The following AP2B1 variants were observed in gnomAD, a reference collection of about 807,000 sequenced individuals.
AP2B1 encodes adaptor related protein complex 2 subunit beta 1, also known as AP-2 complex subunit beta.
Under a neutral mutation model 102.0 loss-of-function variants are expected in AP2B1, and 23 were observed. The observed-to-expected ratio is 0.23, with a 90% CI of 0.16 to 0.32. The LOEUF is 0.32. Ranked by LOEUF, AP2B1 falls within the 10% of genes least tolerant of loss-of-function variation. AP2B1 has a pLI of 1.00. For missense variants in AP2B1, 541 were observed against 1,157.4 expected (o/e 0.47, Z 7.73); for synonymous variants, 381 against 421.2 (o/e 0.90, Z 1.17).
rs1218781038 is a variant in AP2B1, at chr17:35,636,543, T to C, written c.1271+87T>C. On this transcript the variant is annotated intron_variant, in intron 10 of 21. Coordinates refer to ENST00000610402, the MANE Select transcript of AP2B1 (RefSeq NM_001030006.2). ...GAAATTGCCTAGGTAAGAATTACTC[T>C]TTTGAATGTTCCTGGTCATAATAGG... The C allele has an allele frequency of 1.3e-5, 12 of 945,292 alleles. No homozygotes were observed. In the East Asian group the frequency reaches 2.8e-4, roughly 22 times the overall value. The allele number at this position is 945,292 out of a possible 1,614,324, so 58.6% of individuals were successfully genotyped here.
rs140783216 is a variant in AP2B1, at chr17:35,627,086, C to T, written c.938+244C>T. Among the ~76,000 whole-genome samples the T allele has an allele frequency of 2.4e-3, 363 of 152,198 alleles. 3 individuals are homozygous for T. Among genetic ancestry groups the T allele is most frequent in the Non-Finnish European group, 3.8e-3 (256 of 68,028 alleles). Reference sequence around the variant, plus strand: ...TTCTGAAGGGTCTCTTTCTGATATACTGTCTAGTGCCTGGTTGATATGGTT... The same window carrying T: ...TTCTGAAGGGTCTCTTTCTGATATATTGTCTAGTGCCTGGTTGATATGGTT... On this transcript the variant is annotated intron_variant, in intron 7 of 21. Coordinates refer to ENST00000610402, the MANE Select transcript of AP2B1 (RefSeq NM_001030006.2).
At chr17:35,703,096 C>A (rs1365501171) in intron 18 of AP2B1, among the ~76,000 whole-genome samples, 1 of 151,164 alleles carries the variant, frequency 6.6e-6, no homozygotes, top group East Asian at 1.9e-4. Flanking sequence ...CACGGTGAAA[C>A]CCCATCTCTA....
At chr17:35,628,726 A>G (rs2074382041) in intron 9 of AP2B1, among the ~76,000 whole-genome samples, 1 of 152,158 alleles carries the variant, frequency 6.6e-6, no homozygotes, top group African/African-American at 2.4e-5. Flanking sequence ...TACACCCACC[A>G]TTCCCACTTC....
At chr17:35,687,507 A>G (rs992072135) in intron 18 of AP2B1, among the ~76,000 whole-genome samples, 2 of 152,002 alleles carry the variant, frequency 1.3e-5, no homozygotes, top group Non-Finnish European at 2.9e-5. Flanking sequence ...TTTCTGACAG[A>G]ACTATCTTAA....
intron 21 of AP2B1, among the ~76,000 whole-genome samples, chr17:35,719,551 A>G (rs965837894): frequency 6.6e-6 from 1 of 152,258 alleles, no homozygotes; most frequent in Non-Finnish European, 1.5e-5. Context: ...AAGTTGTTAC[A>G]TGTATCCATA....
At chr17:35,626,876 T>C (rs1302199576) in intron 7 of AP2B1, 34 bp downstream of exon 7, 17 of 1,583,012 alleles carry the variant, frequency 1.1e-5, no homozygotes, top group Non-Finnish European at 1.4e-5. Flanking sequence ...TTAAAGTGTT[T>C]GTAATTTTGC....
intron 14 of AP2B1, among the ~76,000 whole-genome samples, chr17:35,663,774 G>A (rs190031356): frequency 2.2e-4 from 34 of 152,336 alleles, no homozygotes; most frequent in African/African-American, 7.5e-4. Context: ...TGGGCCTCTT[G>A]ATGGTGTACA....
At chr17:35,674,804 C>G (rs1394017415) in intron 17 of AP2B1, among the ~76,000 whole-genome samples, 1 of 152,190 alleles carries the variant, frequency 6.6e-6, no homozygotes, top group African/African-American at 2.4e-5. Context: ...TCTGGAGGCA[C>G]TAGGGAGTTT....
At position 35,694,427 on chromosome 17, in the gene AP2B1, A is replaced by ATTTTTT. The variant is rs1555581002; in HGVS notation, c.2454+11604_2454+11609dup. Among the ~76,000 whole-genome samples, 233 of 114,512 alleles carry ATTTTTT rather than the reference A, an allele frequency of 2.0e-3. 15 individuals are homozygous for ATTTTTT. The highest frequency in any genetic ancestry group is 3.0e-3 in the East Asian group (11 of 3,614). 75.1% of individuals were successfully genotyped at this position (114,512 alleles called of 152,430 possible). ...CCTAGCTGACTTTTTTTTTTTTTTA[A>ATTTTTT]TTTTTTAATTTTTTGTAGAGTTGAG... On this transcript the variant is annotated intron_variant, in intron 18 of 21. Transcript: ENST00000610402.
intron 13 of AP2B1, among the ~76,000 whole-genome samples, chr17:35,653,393 A>G (rs1189151423): frequency 6.6e-6 from 1 of 152,176 alleles, no homozygotes. Flanking sequence ...TGAGATGTGT[A>G]TGTGAATTTC....
intron 13 of AP2B1, among the ~76,000 whole-genome samples, chr17:35,651,473 A>G (rs898038804): frequency 1.3e-5 from 2 of 152,170 alleles, no homozygotes; most frequent in African/African-American, 4.8e-5. Flanking sequence ...TGGGTATCTC[A>G]GAATCTTTTC....
At position 35,657,639 on chromosome 17, in the gene AP2B1, A is replaced by G. The variant is rs146369983; in HGVS notation, c.1837A>G (p.Thr613Ala). 4 of 1,613,988 alleles carry G rather than the reference A, an allele frequency of 2.5e-6. No individual in the cohort carries two copies. The African/African-American group carries it at 4.0e-5, about 16-fold the overall frequency. Residue 613 changes from threonine (T) to alanine (A), a missense_variant, in exon 14 of 22, where the codon ACG becomes GCG. This residue lies in a region of AP2B1 where 39 missense variants were observed against 42.0 expected (regional missense o/e 0.93). Transcript: ENST00000610402. The part of the protein sequence containing the change: ...GDSPVGTTTA[T>A]NLEQPQVIPS... ...CAGCCCTGTTGGCACTACCACTGCA[A>G]CGAACCTGGAACAGCCTCAGGTTAT...
intron 18 of AP2B1, among the ~76,000 whole-genome samples, chr17:35,693,797 G>A (rs2076086627): frequency 1.3e-5 from 2 of 152,152 alleles, no homozygotes; most frequent in South Asian, 4.1e-4. Context: ...GCTCCTGACA[G>A]TAATATGTAT....
chr17:35,634,686 T>C (rs2074557091), intron 9 of AP2B1, among the ~76,000 whole-genome samples: 1 of 152,228 alleles, frequency 6.6e-6, no homozygotes, highest in African/African-American at 2.4e-5. Context: ...CCAATATTGG[T>C]AAATTGTCGA....
intron 3 of AP2B1, among the ~76,000 whole-genome samples, chr17:35,603,456 G>A (rs2073559167): frequency 1.3e-5 from 2 of 152,096 alleles, no homozygotes; most frequent in African/African-American, 4.8e-5. Context: ...GTGGCTTATA[G>A]GAGAATGGTA....
At chr17:35,719,849 T>TA (rs1407890596) in intron 21 of AP2B1, among the ~76,000 whole-genome samples, 1 of 152,122 alleles carries the variant, frequency 6.6e-6, no homozygotes, top group Non-Finnish European at 1.5e-5. Context: ...ATATTTTTTT[T>TA]AAAGAAATAC....
At position 35,639,610 on chromosome 17, in the gene AP2B1, C is replaced by T. The variant is rs117652210; in HGVS notation, c.1287C>T (p.Ile429=). The T allele has an allele frequency of 2.9e-3, 4,621 of 1,612,278 alleles. 162 individuals carry two copies. In the East Asian group the frequency reaches 0.076, roughly 27 times the overall value. The change falls in exon 11 of 22, where the codon ATC becomes ATT. Residue 429 remains isoleucine, a synonymous_variant. Transcript: ENST00000610402. ...RKYPNKYESI[I]ATLCENLDSL... Reference sequence around the variant, plus strand: ...TTTTCATCAGGTATGAAAGTATCATCGCCACTCTGTGTGAGAACTTAGACT... The same window carrying T: ...TTTTCATCAGGTATGAAAGTATCATTGCCACTCTGTGTGAGAACTTAGACT...
chr17:35,598,341 A>T lies in AP2B1; in HGVS notation c.143+6A>T, dbSNP rs188757190. On this transcript the variant is annotated splice_donor_region_variant and intron_variant, in intron 3 of 21. Transcript: ENST00000610402. ...ACCGTGGGGAAGGATGTTAGGTAAG[A>T]GTAATCACCCTTGCCATTGATCACT... 235 of 1,589,602 alleles carry T rather than the reference A, an allele frequency of 1.5e-4. 1 individual carries two copies. The East Asian group carries it at 4.3e-3, about 29-fold the overall frequency.
intron 5 of AP2B1, among the ~76,000 whole-genome samples, chr17:35,617,577 T>G (rs146492607): frequency 7.9e-5 from 12 of 152,320 alleles, no homozygotes; most frequent in African/African-American, 2.4e-4. Flanking sequence ...AGAGTACTAC[T>G]TACTACTTTT....
Sources: allele counts gnomAD v4.1 joint callset (sites outside exome capture counted in the v4.1 genomes callset), GRCh38; gene constraint gnomAD v4.1.1; regional missense constraint gnomAD v4.1.1; transcripts MANE v1.5; gene names NCBI Gene and HGNC (gene_info 2026-07-23, HGNC 2026-07-21).